Variants in UNC5A observed in about 807,000 individuals in gnomAD.
UNC5A encodes netrin receptor UNC5A.
In UNC5A, 20 loss-of-function variants were observed where a neutral mutation model predicts 87.4. The observed-to-expected ratio is 0.23, with a 90% confidence interval of 0.16 to 0.33. The LOEUF (loss-of-function observed/expected upper bound fraction) is 0.33, where lower values mean the gene tolerates loss of function less well. Ranked by LOEUF, UNC5A falls within the 10% of genes least tolerant of loss-of-function variation. UNC5A has a pLI of 1.00. For missense variants in UNC5A, 844 were observed against 1,133.4 expected (o/e 0.74, Z 3.67); for synonymous variants, 438 against 482.3 (o/e 0.91, Z 1.20).
At position 176,871,826 on chromosome 5, in the gene UNC5A, C is replaced by G. The variant is rs932627837; in HGVS notation, c.886+1292C>G. Among the ~76,000 whole-genome samples the G allele has an allele frequency of 1.0e-3, 65 of 64,688 alleles. 1 individual carries two copies. Among genetic ancestry groups the G allele is most frequent in the Non-Finnish European group, 1.8e-3 (45 of 25,168 alleles). The allele number at this position is 64,688 out of a possible 152,430, so 42.4% of individuals were successfully genotyped here. A position where few individuals can be genotyped will look rare whatever the true frequency, so the allele number is the denominator to read the frequency against. On this transcript the variant is annotated intron_variant, in intron 6 of 14. Transcript: ENST00000329542. Reference sequence around the variant, plus strand: ...CACCAACACCACAGCTTCCCATCTGCCCACACTCGCCCCAACACCACAGCT... The same window carrying G: ...CACCAACACCACAGCTTCCCATCTGGCCACACTCGCCCCAACACCACAGCT...
intron 1 of UNC5A, among the ~76,000 whole-genome samples, chr5:176,840,873 T>C (rs1757259793): frequency 6.6e-6 from 1 of 152,200 alleles, no homozygotes; most frequent in Non-Finnish European, 1.5e-5. Flanking sequence ...GCCCCGCCTT[T>C]GTTATGGGTC....
At chr5:176,856,163 C>T (rs897533072) in intron 1 of UNC5A, among the ~76,000 whole-genome samples, 3 of 152,274 alleles carry the variant, frequency 2.0e-5, no homozygotes, top group Middle Eastern at 3.4e-3. Flanking sequence ...AATCACACCT[C>T]ATATTTTCTG....
chr5:176,878,438 G>A (rs1040656718), intron 12 of UNC5A, 37 bp from the exon 13 acceptor site: 4 of 1,611,728 alleles, frequency 2.5e-6, no homozygotes, highest in Non-Finnish European at 3.4e-6. Flanking sequence ...CCTGGAGCTT[G>A]GGCTCACCTG....
Position 176,810,877 on chromosome 5 carries a change from C to T in UNC5A, c.70+57C>T. On this transcript the variant is annotated intron_variant, in intron 1 of 14. Transcript: ENST00000329542. The surrounding 1 kb of genome is among the most constrained non-coding windows in gnomAD (Gnocchi z 7.3). Reference sequence around the variant, plus strand: ...TTGCGGGGGACCGTGCGCGCGAACGCTCGCTGCTCTGGGGGTCCCTGACCA... The same window carrying T: ...TTGCGGGGGACCGTGCGCGCGAACGTTCGCTGCTCTGGGGGTCCCTGACCA... 8.4e-7 allele frequency: 1 copy of T among 1,197,404 alleles called. No homozygotes were observed. Among genetic ancestry groups the T allele is most frequent in the Non-Finnish European group, 1.0e-6 (1 of 964,640 alleles). 74.2% of individuals were successfully genotyped at this position (1,197,404 alleles called of 1,614,324 possible). A position where few individuals can be genotyped will look rare whatever the true frequency, so the allele number is the denominator to read the frequency against.
chr5:176,833,858 A>G (rs2962833), intron 1 of UNC5A, among the ~76,000 whole-genome samples: 151,473 of 152,108 alleles, frequency 1, 75,422 homozygotes, highest in East Asian at 1. Context: ...ACAGGCGCCC[A>G]CCACTACGCC....
rs572174608 is a variant in UNC5A at position 176,874,200 on chromosome 5, G to A, written c.1075+44G>A. 25 of 1,600,502 alleles carry A rather than the reference G, an allele frequency of 1.6e-5. No individual in the cohort carries two copies. The highest frequency in any genetic ancestry group is 2.2e-5 in the South Asian group (2 of 90,128). On this transcript the variant is annotated intron_variant, in intron 7 of 14. Transcript: ENST00000329542. This position sits in a 1 kb window ranked among gnomAD's most constrained non-coding sequence, Gnocchi z 7.6. Reference sequence around the variant, plus strand: ...CCAGCACTCCTGCCCCAGCTCCCACGCCAAGGGCTGCTGGGGCAGGGATGC... The same window carrying A: ...CCAGCACTCCTGCCCCAGCTCCCACACCAAGGGCTGCTGGGGCAGGGATGC...
intron 13 of UNC5A, 97 bp downstream of exon 13, chr5:176,878,736 A>G: frequency 6.8e-7 from 1 of 1,459,978 alleles, no homozygotes; most frequent in Non-Finnish European, 9.2e-7. Context: ...CCTGCCACCC[A>G]CTCTCCCTCC....
Position 176,878,369 on chromosome 5 carries a change from G to T in UNC5A, c.1995G>T (p.Lys665Asn). 6.2e-7 allele frequency: 1 copy of T among 1,613,678 alleles called. No homozygotes were observed. Among genetic ancestry groups the T allele is most frequent in the South Asian group, 1.1e-5 (1 of 91,086 alleles). ...SIHDVPSSLW[K>N]SKLLVSYQEI... The stretch of plus-strand genomic sequence containing the variant: ...ACGATGTGCCCAGCTCCCTGTGGAA[G>T]AGTAAGCTCCTTGTCAGCTACCAGG... Residue 665 changes from lysine (K) to asparagine (N), a missense_variant, in exon 12 of 15, where the codon AAG (lysine) becomes AAT (asparagine). By Grantham distance (94) the Lys-to-Asn change is moderately conservative. Transcript: ENST00000329542.
chr5:176,829,859 T>G (rs1394691638), intron 1 of UNC5A, among the ~76,000 whole-genome samples: 1 of 136,670 alleles, frequency 7.3e-6, no homozygotes, highest in Non-Finnish European at 1.6e-5. Context: ...CCTCCAACCC[T>G]CTCACTTCCA....
At chr5:176,853,612 G>A (rs1216495612) in intron 1 of UNC5A, among the ~76,000 whole-genome samples, 1 of 152,224 alleles carries the variant, frequency 6.6e-6, no homozygotes, top group Non-Finnish European at 1.5e-5. Context: ...GTGCTTGCCT[G>A]TATGTGAGCG....
chr5:176,830,082 A>T (rs1756962001), intron 1 of UNC5A, among the ~76,000 whole-genome samples: 1 of 151,928 alleles, frequency 6.6e-6, no homozygotes, highest in African/African-American at 2.4e-5. Flanking sequence ...GCCATGTTGG[A>T]CAGGCTAGTC....
chr5:176,849,294 A>G (rs1393831149), intron 1 of UNC5A, among the ~76,000 whole-genome samples: 1 of 152,206 alleles, frequency 6.6e-6, no homozygotes, highest in Non-Finnish European at 1.5e-5. Flanking sequence ...GGAAAAAAAA[A>G]TCAGTGCAGG....
chr5:176,851,673 G>C (rs536744904), intron 1 of UNC5A, among the ~76,000 whole-genome samples: 1 of 152,188 alleles, frequency 6.6e-6, no homozygotes, highest in African/African-American at 2.4e-5. Context: ...GGTGGCCCCC[G>C]GAGAGGGGAG....
Position 176,861,414 on chromosome 5 carries a change from G to C in UNC5A, c.71-1210G>C, listed in dbSNP as rs1006849792. Among the ~76,000 whole-genome samples the C allele has an allele frequency of 3.1e-4, 47 of 152,344 alleles. 1 individual carries two copies. The highest frequency in any genetic ancestry group is 1.4e-3 in the South Asian group (7 of 4,832). On this transcript the variant is annotated intron_variant, in intron 1 of 14. Coordinates refer to ENST00000329542, the MANE Select transcript of UNC5A (RefSeq NM_133369.3). ...TCCGAGCCTGCCCTCCAGGGCGCCTGCAGGAGCTGGTGCACACACCTCCTG... is the reference window on the plus strand; with the variant it reads ...TCCGAGCCTGCCCTCCAGGGCGCCTCCAGGAGCTGGTGCACACACCTCCTG...
chr5:176,875,305 T>C lies in UNC5A; in HGVS notation c.1378+739T>C, dbSNP rs183908740. Among the ~76,000 whole-genome samples the C allele has an allele frequency of 3.5e-4, 53 of 152,256 alleles. No homozygotes were observed. The highest frequency in any genetic ancestry group is 1.3e-3 in the African/African-American group (53 of 41,556). ...CCCAGCTGCCTCCTGGCCAGCTCCA[T>C]CTGGATGTCTCACATCACCTCAGAC... On this transcript the variant is annotated intron_variant, in intron 8 of 14. Transcript: ENST00000329542. This position sits in a 1 kb window ranked among gnomAD's most constrained non-coding sequence, Gnocchi z 5.2.
At chr5:176,843,565 T>C (rs1757331638) in intron 1 of UNC5A, among the ~76,000 whole-genome samples, 1 of 152,236 alleles carries the variant, frequency 6.6e-6, no homozygotes, top group Non-Finnish European at 1.5e-5. Context: ...TTAATGGGGA[T>C]AAACATTATT....
chr5:176,868,041 G>A, intron 2 of UNC5A, 89 bp from the exon 3 acceptor site: 5 of 1,253,508 alleles, frequency 4.0e-6, no homozygotes, highest in Non-Finnish European at 3.3e-6. Context: ...TTGCCAGTCA[G>A]CGAGAGTGGC....
chr5:176,869,639 C>T lies in UNC5A; in HGVS notation c.721+675C>T. Reference sequence around the variant, plus strand: ...TGAACGGTGGGTGGTCGACGTGGACCGAGTGGTCCGTCTGCAGCGCCAGCT... The same window carrying T: ...TGAACGGTGGGTGGTCGACGTGGACTGAGTGGTCCGTCTGCAGCGCCAGCT... On this transcript the variant is annotated intron_variant, in intron 5 of 14. Coordinates refer to ENST00000329542, the MANE Select transcript of UNC5A (RefSeq NM_133369.3). The surrounding 1 kb of genome is among the most constrained non-coding windows in gnomAD (Gnocchi z 9.1). 2.9e-6 allele frequency: 2 copies of T among 700,012 alleles called. No homozygotes were observed. The highest frequency in any genetic ancestry group is 1.7e-5 in the African/African-American group (1 of 57,256). The allele number at this position is 700,012 out of a possible 1,614,324, so 43.4% of individuals were successfully genotyped here.
intron 2 of UNC5A, chr5:176,864,926 T>A (rs888071764): frequency 4.6e-6 from 2 of 435,430 alleles, no homozygotes; most frequent in African/African-American, 4.0e-5. Flanking sequence ...GAGGCCTCCC[T>A]GCCCAGCAGC....
Sources: allele counts gnomAD v4.1 joint callset (sites outside exome capture counted in the v4.1 genomes callset), GRCh38; gene constraint gnomAD v4.1.1; non-coding constraint Gnocchi (gnomAD v3.1); transcripts MANE v1.5; gene names NCBI Gene and HGNC (gene_info 2026-07-23, HGNC 2026-07-21).